The following DMD variants were observed in gnomAD, a reference collection of about 807,000 sequenced individuals.
The protein encoded by DMD is mutant dystrophin.
In DMD, 63 loss-of-function variants were observed where a neutral mutation model predicts 330.1. That is an observed-to-expected ratio of 0.19 (90% CI 0.16 to 0.24). The LOEUF (loss-of-function observed/expected upper bound fraction) is 0.24, where lower values mean the gene tolerates loss of function less well. Ranked by LOEUF, DMD falls within the 10% of genes least tolerant of loss-of-function variation. DMD has a pLI of 1.00. For synonymous variants in DMD, 1,223 were observed against 959.8 expected, an observed-to-expected ratio of 1.27 and a Z score of -5.07; for missense variants, 3,344 against 2,684.1, an observed-to-expected ratio of 1.25 and a Z score of -5.43.
intron 61 of DMD, among the ~76,000 whole-genome samples, chrX:31,328,568 C>A (rs1271289933): frequency 9.0e-6 from 1 of 110,985 alleles, no homozygotes; most frequent in Admixed American, 9.6e-5. Flanking sequence ...CTGGATATAG[C>A]AGAAAATGTC....
At chrX:31,852,733 T>C (rs2093550891) in intron 48 of DMD, among the ~76,000 whole-genome samples, 1 of 111,593 alleles carries the variant, frequency 9.0e-6, no homozygotes, top group Non-Finnish European at 1.9e-5. Flanking sequence ...TTGTACCTCA[T>C]AAATATATGT....
chrX:33,201,533 A>T (rs1202981516), intron 1 of DMD, among the ~76,000 whole-genome samples: 1 of 111,582 alleles, frequency 9.0e-6, no homozygotes, highest in East Asian at 2.8e-4. Flanking sequence ...CTCATAGCAT[A>T]ATATTAATAG....
intron 55 of DMD, among the ~76,000 whole-genome samples, chrX:31,574,213 G>A (rs1277346088): frequency 4.1e-5 from 4 of 98,190 alleles, no homozygotes; most frequent in Non-Finnish European, 4.0e-5. Flanking sequence ...ACTCGATCTC[G>A]GCTCACCGCA....
At chrX:32,707,967 T>A (rs896319110) in intron 7 of DMD, among the ~76,000 whole-genome samples, 5 of 112,170 alleles carry the variant, frequency 4.5e-5, no homozygotes, top group Non-Finnish European at 1.9e-5. Flanking sequence ...GCTTTTGACC[T>A]AACCAAATTG....
chrX:32,815,494 C>CATATATATATATATAT (rs1557051738), intron 6 of DMD, among the ~76,000 whole-genome samples: 4 of 71,859 alleles, frequency 5.6e-5, no homozygotes, highest in African/African-American at 1.1e-4. Context: ...CACACACAAG[C>CATATATATATATATAT]ATATATATAT....
intron 2 of DMD, among the ~76,000 whole-genome samples, chrX:32,912,022 AGAGAAGGG>A (rs2087294563): frequency 3.0e-5 from 2 of 66,379 alleles, no homozygotes; most frequent in African/African-American, 1.6e-4. Context: ...GAAGAGTGGG[AGAGAAGGG>A]GAGAGAGAGA....
At chrX:31,544,809 T>C (rs1355646699) in intron 55 of DMD, among the ~76,000 whole-genome samples, 1 of 111,354 alleles carries the variant, frequency 9.0e-6, no homozygotes, top group Non-Finnish European at 1.9e-5. Context: ...TTTTCTCCCC[T>C]GTAAGAGTCA....
rs1557109750 is a variant in DMD, at chrX:32,879,021, A to ACAAACAAAAAAACAAACAAAC, written c.94-29202_94-29201insGTTTGTTTGTTTTTTTGTTTG. Among the ~76,000 whole-genome samples the ACAAACAAAAAAACAAACAAAC allele has an allele frequency of 8.6e-4, 88 of 101,792 alleles. 3 individuals carry two copies. Among genetic ancestry groups the ACAAACAAAAAAACAAACAAAC allele is most frequent in the African/African-American group, 3.0e-3 (84 of 28,310 alleles). The allele number at this position is 101,792 out of a possible 115,157, so 88.4% of individuals were successfully genotyped here. A position where few individuals can be genotyped will look rare whatever the true frequency, so the allele number is the denominator to read the frequency against. On this transcript the variant is annotated intron_variant, in intron 2 of 78. Coordinates refer to ENST00000357033, the MANE Select transcript of DMD (RefSeq NM_004006.3). ...AGACTACGTCTCAAAAAAAAAACAA[A>ACAAACAAAAAAACAAACAAAC]AAACAAAAAACAAACAAAAAAAAAA...
At chrX:32,059,859 G>A (rs1431876240) in intron 44 of DMD, among the ~76,000 whole-genome samples, 1 of 111,682 alleles carries the variant, frequency 9.0e-6, no homozygotes, top group Admixed American at 9.5e-5. Context: ...TTACAAAACA[G>A]ATTTTTAAAT....
At chrX:31,638,708 T>A (rs891484770) in intron 54 of DMD, among the ~76,000 whole-genome samples, 4 of 112,678 alleles carry the variant, frequency 3.5e-5, no homozygotes, top group Non-Finnish European at 7.5e-5. Flanking sequence ...TGTATGCAGG[T>A]ATATCTGTGT....
In DMD at chrX:32,252,857, TATAA is replaced by T. The variant is rs1225800463; in HGVS notation, c.6290+34668_6290+34671del. ...AAATATATATAAATATATAAATATA[TATAA>T]ATATATAAATATATAAAAATATATA... On this transcript the variant is annotated intron_variant, in intron 43 of 78. Transcript: ENST00000357033. Among the ~76,000 whole-genome samples the T allele has an allele frequency of 5.6e-5, 4 of 71,955 alleles. No homozygotes were observed. In the East Asian group the frequency reaches 1.5e-3, roughly 27 times the overall value. 62.5% of individuals were successfully genotyped at this position (71,955 alleles called of 115,157 possible).
intron 2 of DMD, among the ~76,000 whole-genome samples, chrX:32,932,248 T>C (rs2089653247): frequency 8.9e-6 from 1 of 112,467 alleles, no homozygotes; most frequent in Non-Finnish European, 1.9e-5. Flanking sequence ...TCCTTTCCTG[T>C]TTCAAACTGA....
chrX:31,895,751 T>C (rs750006403), intron 47 of DMD, among the ~76,000 whole-genome samples: 9 of 111,992 alleles, frequency 8.0e-5, no homozygotes, highest in African/African-American at 2.9e-4. Flanking sequence ...AGTAGATACT[T>C]AGTGGCTGGA....
At position 33,266,216 on chromosome X, in the gene DMD, C is replaced by T. The variant is rs753600751; in HGVS notation, c.7+73043G>A. The stretch of plus-strand genomic sequence containing the variant: ...ACTCATTGCTTTACCATCTCTCCCA[C>T]TTCTTCTACCCTAAAGATAGCTGAC... On this transcript the variant is annotated intron_variant, in intron 1 of 17. Transcript: ENST00000288447. Among the ~76,000 whole-genome samples, 6 of 111,755 alleles carry T rather than the reference C, an allele frequency of 5.4e-5. No homozygotes were observed. In the South Asian group the frequency reaches 2.2e-3, roughly 41 times the overall value.
At chrX:31,795,354 T>C (rs2091777642) in intron 50 of DMD, among the ~76,000 whole-genome samples, 1 of 112,434 alleles carries the variant, frequency 8.9e-6, no homozygotes, top group African/African-American at 3.2e-5. Context: ...ATTAAAATTT[T>C]GATTGTTCTT....
chrX:33,161,063 C>T (rs920520397), intron 1 of DMD, among the ~76,000 whole-genome samples: 7 of 111,527 alleles, frequency 6.3e-5, no homozygotes, highest in East Asian at 2.8e-4. Flanking sequence ...ATATGAAATA[C>T]GTCACGTATC....
At chrX:32,032,914 A>G (rs181337148) in intron 44 of DMD, among the ~76,000 whole-genome samples, 4 of 112,293 alleles carry the variant, frequency 3.6e-5, no homozygotes, top group Admixed American at 2.8e-4. Context: ...AGTTCCTCAC[A>G]GTGCAGGATG....
intron 5 of DMD, among the ~76,000 whole-genome samples, chrX:32,822,641 C>T (rs2078365714): frequency 9.2e-6 from 1 of 108,913 alleles, no homozygotes; most frequent in African/African-American, 3.4e-5. Flanking sequence ...TGTGTATATA[C>T]ACACATGCAT....
At chrX:31,929,541 T>C in intron 47 of DMD, 55 bp downstream of exon 47, 2 of 1,187,943 alleles carry the variant, frequency 1.7e-6, no homozygotes, top group South Asian at 3.5e-5. Flanking sequence ...ACAAAATACA[T>C]ACAAATACTT....
Sources: gnomAD v4.1 joint callset for allele counts (sites outside exome capture counted in the v4.1 genomes callset) on GRCh38, gnomAD v4.1.1 for gene constraint, MANE v1.5 for transcripts, NCBI Gene and HGNC (gene_info 2026-07-23, HGNC 2026-07-21) for gene names.